Variants in SLC26A7 observed in about 807,000 individuals in gnomAD.
The protein encoded by SLC26A7 is anion exchange transporter.
SLC26A7 carries 59 observed loss-of-function variants against 82.5 expected under a neutral mutation model. That is an observed-to-expected ratio of 0.72 (90% confidence interval 0.58 to 0.89). The LOEUF (loss-of-function observed/expected upper bound fraction) is 0.89, where lower values mean the gene tolerates loss of function less well. Ranked by LOEUF, SLC26A7 falls within the 40% of genes least tolerant of loss-of-function variation. The pLI, the probability that SLC26A7 is intolerant of heterozygous loss-of-function variation, is 0.00. For synonymous variants in SLC26A7, 271 were observed against 274.3 expected, an observed-to-expected ratio of 0.99 and a Z score of 0.12; for missense variants, 820 against 793.0, an observed-to-expected ratio of 1.03 and a Z score of -0.41.
chr8:91,308,528 A>G (rs1812387294), intron 4 of SLC26A7, among the ~76,000 whole-genome samples: 2 of 152,186 alleles, frequency 1.3e-5, no homozygotes, highest in South Asian at 4.1e-4. Context: ...TGGCTGAGGT[A>G]GTACTTGTCA....
At chr8:91,229,045 T>A (rs1032369328) in intron 2 of SLC26A7, among the ~76,000 whole-genome samples, 1 of 152,228 alleles carries the variant, frequency 6.6e-6, no homozygotes, top group African/African-American at 2.4e-5. Context: ...AGAGCTTTTT[T>A]CTGTCCTTAG....
At chr8:91,334,514 G>A (rs762517381) in intron 6 of SLC26A7, 67 bp downstream of exon 6, 4 of 1,425,980 alleles carry the variant, frequency 2.8e-6, no homozygotes, top group Non-Finnish European at 3.8e-6. Flanking sequence ...GAGATCTGCA[G>A]ATGCTTACTA....
intron 2 of SLC26A7, among the ~76,000 whole-genome samples, chr8:91,263,108 C>T (rs1360509736): frequency 6.6e-6 from 1 of 151,944 alleles, no homozygotes; most frequent in Non-Finnish European, 1.5e-5. Flanking sequence ...TACAATTTTA[C>T]AGAAAGGAAA....
chr8:91,312,873 C>G (rs1442395226), intron 4 of SLC26A7, among the ~76,000 whole-genome samples: 2 of 152,020 alleles, frequency 1.3e-5, no homozygotes, highest in African/African-American at 2.4e-5. Context: ...TAGGAGTTCT[C>G]TATATATTCT....
intron 7 of SLC26A7, 37 bp downstream of exon 7, chr8:91,338,269 G>A: frequency 2.0e-6 from 3 of 1,494,056 alleles, no homozygotes; most frequent in Middle Eastern, 1.7e-4. Context: ...TTATTTGTTT[G>A]TTTGTTTATT....
At position 91,363,462 on chromosome 8, in the gene SLC26A7, T is replaced by C; in HGVS notation, c.1422-10T>C. 6.8e-7 allele frequency: 1 copy of C among 1,474,428 alleles called. No homozygotes were observed. The allele number at this position is 1,474,428 out of a possible 1,614,324, so 91.3% of individuals were successfully genotyped here. ...TGACTTGTTTTATTTTCTATCTGCT[T>C]TAATTTCAGAGCAATGACTGTAAGT... On this transcript the variant is annotated splice_polypyrimidine_tract_variant and intron_variant, in intron 12 of 18. Coordinates refer to ENST00000276609, the MANE Select transcript of SLC26A7 (RefSeq NM_052832.4).
intron 2 of SLC26A7, among the ~76,000 whole-genome samples, chr8:91,222,121 T>C (rs1319211768): frequency 6.6e-6 from 1 of 152,190 alleles, no homozygotes; most frequent in Non-Finnish European, 1.5e-5. Context: ...GGTATTTTAT[T>C]TTCTTTGTAG....
At chr8:91,307,097 A>G (rs1222263376) in intron 4 of SLC26A7, among the ~76,000 whole-genome samples, 1 of 136,036 alleles carries the variant, frequency 7.4e-6, no homozygotes, top group African/African-American at 2.8e-5. Flanking sequence ...AACCACAATG[A>G]GATACCATCT....
chr8:91,244,120 A>T (rs1397917312), intron 2 of SLC26A7, among the ~76,000 whole-genome samples: 1 of 152,186 alleles, frequency 6.6e-6, no homozygotes, highest in Admixed American at 6.5e-5. Context: ...GTCCTTAGGG[A>T]GGTGAATTTC....
At chr8:91,213,309 A>G (rs552382565) in intron 1 of SLC26A7, among the ~76,000 whole-genome samples, 28 of 152,264 alleles carry the variant, frequency 1.8e-4, no homozygotes, top group African/African-American at 6.5e-4. Context: ...CTAAGCCAAG[A>G]TGCTTTTGAG....
At chr8:91,290,107 T>C (rs531579540) in intron 3 of SLC26A7, among the ~76,000 whole-genome samples, 3 of 152,344 alleles carry the variant, frequency 2.0e-5, no homozygotes, top group African/African-American at 7.2e-5. Flanking sequence ...TTATTATTAT[T>C]ACAAAAATGG....
chr8:91,334,494 A>G lies in SLC26A7; in HGVS notation c.795+47A>G. ...AGCTTTTTGCCATGCAAAGCTTTCC[A>G]GTTCTTGGGGAGATCTGCAGATGCT... On this transcript the variant is annotated intron_variant, in intron 6 of 18. Transcript: ENST00000276609. The G allele has an allele frequency of 3.2e-6, 5 of 1,547,894 alleles. No homozygotes were observed. The South Asian group carries it at 5.8e-5, about 18-fold the overall frequency.
In SLC26A7 at chr8:91,340,389, T is replaced by A; in HGVS notation, c.879-15T>A. 1 of 1,612,642 alleles carries A rather than the reference T, an allele frequency of 6.2e-7. No homozygotes were observed. Among genetic ancestry groups the A allele is most frequent in the Admixed American group, 1.7e-5 (1 of 59,920 alleles). On this transcript the variant is annotated splice_polypyrimidine_tract_variant and intron_variant, in intron 7 of 18. Coordinates refer to ENST00000276609, the MANE Select transcript of SLC26A7 (RefSeq NM_052832.4). ...ATGAAGTTTGATGACTTCAATATGGTCCTTCTTTCCACAGAATTCCCTCAC... is the reference window on the plus strand; with the variant it reads ...ATGAAGTTTGATGACTTCAATATGGACCTTCTTTCCACAGAATTCCCTCAC...
chr8:91,303,162 C>G (rs1812214252), intron 4 of SLC26A7, among the ~76,000 whole-genome samples: 1 of 152,188 alleles, frequency 6.6e-6, no homozygotes, highest in Non-Finnish European at 1.5e-5. Flanking sequence ...CTAGCACACT[C>G]ACAGTAATGA....
At chr8:91,307,211 C>G (rs1416193225) in intron 4 of SLC26A7, among the ~76,000 whole-genome samples, 2 of 94,758 alleles carry the variant, frequency 2.1e-5, no homozygotes, top group Non-Finnish European at 4.2e-5. Context: ...GGACTGTAAA[C>G]TAGTTCAACC....
intron 11 of SLC26A7, among the ~76,000 whole-genome samples, chr8:91,357,721 A>T (rs1198802078): frequency 1.3e-5 from 2 of 152,180 alleles, no homozygotes; most frequent in Non-Finnish European, 2.9e-5. Context: ...TGTCCAAAAC[A>T]CCAAAAGCAA....
At chr8:91,334,217 T>C (rs1205190019) in intron 5 of SLC26A7, 78 bp from the exon 6 acceptor site, 2 of 1,336,472 alleles carry the variant, frequency 1.5e-6, no homozygotes, top group African/African-American at 3.0e-5. Context: ...CATCATTGAG[T>C]TTATTGGGGC....
intron 4 of SLC26A7, among the ~76,000 whole-genome samples, chr8:91,314,760 A>G (rs1812583029): frequency 6.6e-6 from 1 of 152,184 alleles, no homozygotes. Flanking sequence ...ATTTTTTTAA[A>G]AGTATAATAA....
intron 5 of SLC26A7, among the ~76,000 whole-genome samples, chr8:91,322,417 G>A (rs1900810): frequency 0.1 from 15,884 of 152,124 alleles, 968 homozygotes; most frequent in Middle Eastern, 0.21. Context: ...TGGCTCAGAA[G>A]TTAAATTGTT....
Sources: allele counts gnomAD v4.1 joint callset (sites outside exome capture counted in the v4.1 genomes callset), GRCh38; gene constraint gnomAD v4.1.1; transcripts MANE v1.5; gene names NCBI Gene and HGNC (gene_info 2026-07-23, HGNC 2026-07-21).